The following TTC28 variants were observed in gnomAD, a reference collection of about 807,000 sequenced individuals.
The protein encoded by TTC28 is tetratricopeptide repeat protein 28.
In TTC28, 61 loss-of-function variants were observed where a neutral mutation model predicts 198.0. That is an observed-to-expected ratio of 0.31 (90% CI 0.25 to 0.38). TTC28 has a LOEUF of 0.38. TTC28 is among the 10% of genes least tolerant of loss of function. The pLI is 1.00. For missense variants in TTC28, 2,678 were observed against 3,164.0 expected, an observed-to-expected ratio of 0.85 and a Z score of 3.69; for synonymous variants, 1,171 against 1,297.8, an observed-to-expected ratio of 0.90 and a Z score of 2.10.
chr22:28,529,958 A>G (rs1285351559), intron 2 of TTC28, among the ~76,000 whole-genome samples: 1 of 152,226 alleles, frequency 6.6e-6, no homozygotes, highest in Non-Finnish European at 1.5e-5. Context: ...GGGAAAAACC[A>G]GAGCAGAAAA....
At chr22:28,522,736 C>T (rs2048932990) in intron 2 of TTC28, among the ~76,000 whole-genome samples, 1 of 151,634 alleles carries the variant, frequency 6.6e-6, no homozygotes, top group Non-Finnish European at 1.5e-5. Context: ...TATGGACAAA[C>T]CTGAAAAACA....
chr22:28,267,468 G>A (rs1931758474), intron 5 of TTC28, among the ~76,000 whole-genome samples: 1 of 152,176 alleles, frequency 6.6e-6, no homozygotes, highest in Non-Finnish European at 1.5e-5. Flanking sequence ...AACAAGACAA[G>A]CCTAGTATCT....
At chr22:28,397,411 A>G (rs2046835310) in intron 2 of TTC28, among the ~76,000 whole-genome samples, 1 of 152,252 alleles carries the variant, frequency 6.6e-6, no homozygotes, top group Non-Finnish European at 1.5e-5. Context: ...GTAACACACC[A>G]CAAAGCTAGT....
chr22:28,669,978 A>G (rs1226632346), intron 1 of TTC28, among the ~76,000 whole-genome samples: 1 of 152,022 alleles, frequency 6.6e-6, no homozygotes, highest in African/African-American at 2.4e-5. Flanking sequence ...ACTCTATTAT[A>G]TGTATACACA....
chr22:28,543,210 T>C (rs563155980), intron 2 of TTC28, among the ~76,000 whole-genome samples: 1 of 152,060 alleles, frequency 6.6e-6, no homozygotes, highest in Admixed American at 6.6e-5. Flanking sequence ...TATGGTGGTG[T>C]TCACCTTATA....
chr22:28,527,924 G>A (rs2049040439), intron 2 of TTC28, among the ~76,000 whole-genome samples: 1 of 152,112 alleles, frequency 6.6e-6, no homozygotes, highest in Non-Finnish European at 1.5e-5. Context: ...CCACCACCAT[G>A]ACATAGCAGG....
intron 2 of TTC28, among the ~76,000 whole-genome samples, chr22:28,527,266 C>A (rs1206936537): frequency 6.6e-6 from 1 of 152,190 alleles, no homozygotes; most frequent in Non-Finnish European, 1.5e-5. Flanking sequence ...CCCCAACTCC[C>A]TCTACTCACT....
Position 28,579,859 on chromosome 22 carries a change from A to C in TTC28, c.381+49693T>G, listed in dbSNP as rs529076958. Among the ~76,000 whole-genome samples the C allele has an allele frequency of 2.9e-3, 438 of 152,132 alleles. 2 individuals carry two copies. The highest frequency in any genetic ancestry group is 9.8e-3 in the African/African-American group (406 of 41,496). Reference sequence around the variant, plus strand: ...GTGGCACACACCTGTAGTCCCAGCTACTCAGGAAGCTGAGATGGAAGAACC... The same window carrying C: ...GTGGCACACACCTGTAGTCCCAGCTCCTCAGGAAGCTGAGATGGAAGAACC... On this transcript the variant is annotated intron_variant, in intron 2 of 22. Transcript: ENST00000397906.
rs1930807689 is a variant in TTC28 at position 28,255,132 on chromosome 22, C to T, written c.933+41066G>A. Among the ~76,000 whole-genome samples the T allele has an allele frequency of 2.6e-5, 4 of 152,068 alleles. 1 individual carries two copies. In the South Asian group the frequency reaches 6.2e-4, roughly 24 times the overall value. The stretch of plus-strand genomic sequence containing the variant: ...GCAGAGCCATTTTGTAGGAACTCTT[C>T]CACAATCATGCCCAGTAAAAATGAT... On this transcript the variant is annotated intron_variant, in intron 5 of 22. Transcript: ENST00000397906.
intron 2 of TTC28, among the ~76,000 whole-genome samples, chr22:28,468,137 A>G (rs1222689793): frequency 3.9e-5 from 6 of 152,204 alleles, no homozygotes; most frequent in African/African-American, 1.4e-4. Flanking sequence ...AAATATGATC[A>G]TAAGTTCAAA....
intron 2 of TTC28, among the ~76,000 whole-genome samples, chr22:28,336,234 G>A (rs999645179): frequency 1.3e-5 from 2 of 152,084 alleles, no homozygotes; most frequent in Admixed American, 6.5e-5. Flanking sequence ...TGCTGGATTC[G>A]GTTTGCCAGT....
intron 2 of TTC28, among the ~76,000 whole-genome samples, chr22:28,418,583 A>G (rs1300377113): frequency 6.6e-6 from 1 of 152,206 alleles, no homozygotes; most frequent in Non-Finnish European, 1.5e-5. Context: ...AGAGCTTCAT[A>G]TACTGACTGG....
chr22:28,070,376 T>C (rs1457284879), intron 12 of TTC28, among the ~76,000 whole-genome samples: 2 of 152,050 alleles, frequency 1.3e-5, no homozygotes, highest in African/African-American at 2.4e-5. Context: ...ACAAAAACAG[T>C]AGAAACCCAA....
At chr22:28,405,864 G>T (rs1300333915) in intron 2 of TTC28, among the ~76,000 whole-genome samples, 2 of 152,202 alleles carry the variant, frequency 1.3e-5, no homozygotes, top group Non-Finnish European at 1.5e-5. Context: ...CACTTCATTT[G>T]CATGTAATTA....
chr22:28,259,548 T>C (rs1210598169), intron 5 of TTC28, among the ~76,000 whole-genome samples: 1 of 152,050 alleles, frequency 6.6e-6, no homozygotes, highest in East Asian at 1.9e-4. Flanking sequence ...TTCTAAAATA[T>C]AAATGCTAGA....
intron 3 of TTC28, among the ~76,000 whole-genome samples, chr22:28,298,660 A>C (rs1366770774): frequency 1.3e-5 from 2 of 152,166 alleles, no homozygotes; most frequent in Non-Finnish European, 2.9e-5. Flanking sequence ...TAGGTTGCTC[A>C]GGCTGTTGTC....
At chr22:28,306,707 T>G in intron 2 of TTC28, 64 bp from the exon 3 acceptor site, 1 of 1,511,856 alleles carries the variant, frequency 6.6e-7, no homozygotes, top group Non-Finnish European at 8.9e-7. Flanking sequence ...TGGTGATTCT[T>G]TACTAGAACA....
chr22:28,455,409 G>T (rs1015872715), intron 2 of TTC28, among the ~76,000 whole-genome samples: 2 of 152,082 alleles, frequency 1.3e-5, no homozygotes, highest in Non-Finnish European at 2.9e-5. Context: ...CAACACTACT[G>T]ATTCTAAACA....
At chr22:28,171,539 T>C (rs1922673180) in intron 5 of TTC28, among the ~76,000 whole-genome samples, 1 of 151,908 alleles carries the variant, frequency 6.6e-6, no homozygotes, top group African/African-American at 2.4e-5. Flanking sequence ...TTCTACCCTA[T>C]TTTCTTTGCC....
Sources: allele counts gnomAD v4.1 joint callset (sites outside exome capture counted in the v4.1 genomes callset), GRCh38; gene constraint gnomAD v4.1.1; transcripts MANE v1.5; gene names NCBI Gene and HGNC (gene_info 2026-07-23, HGNC 2026-07-21).